Variants in BACH2 observed in about 807,000 individuals in gnomAD.
The protein encoded by BACH2 is transcription regulator protein BACH2.
Under a neutral mutation model 61.8 loss-of-function variants are expected in BACH2, and 5 were observed. That is an observed-to-expected ratio of 0.08 (90% confidence interval 0.04 to 0.17). The LOEUF is 0.17. Among genes scored for constraint, BACH2 ranks in the 10% least tolerant of loss-of-function variants. BACH2 has a pLI of 1.00. For missense variants in BACH2, 824 were observed against 1,091.1 expected (o/e 0.76, Z 3.45); for synonymous variants, 446 against 440.1 (o/e 1.01, Z -0.17).
At chr6:90,103,590 C>T (rs571886815) in intron 4 of BACH2, among the ~76,000 whole-genome samples, 4 of 152,164 alleles carry the variant, frequency 2.6e-5, no homozygotes, top group Admixed American at 2.6e-4. Context: ...GTTCCCTTTA[C>T]GCCCTAATAA....
chr6:90,240,890 A>T (rs1770427659), intron 3 of BACH2, among the ~76,000 whole-genome samples: 1 of 152,134 alleles, frequency 6.6e-6, no homozygotes, highest in African/African-American at 2.4e-5. Flanking sequence ...ACTAAATATA[A>T]TATTATTTCC....
At chr6:90,107,201 G>A (rs1313951225) in intron 4 of BACH2, among the ~76,000 whole-genome samples, 4 of 151,842 alleles carry the variant, frequency 2.6e-5, no homozygotes, top group African/African-American at 7.3e-5. Flanking sequence ...ATGAAACCCC[G>A]TCTCTACTAA....
chr6:90,074,010 T>A (rs1015089056), intron 5 of BACH2, among the ~76,000 whole-genome samples: 2 of 152,218 alleles, frequency 1.3e-5, no homozygotes, highest in Admixed American at 1.3e-4. Context: ...CATTTCCTGA[T>A]AGAATACTGT....
chr6:89,983,126 A>G (rs2128363492), intron 6 of BACH2, among the ~76,000 whole-genome samples: 1 of 152,324 alleles, frequency 6.6e-6, no homozygotes, highest in East Asian at 1.9e-4. Flanking sequence ...CTAAATGTTT[A>G]TAGGAAATCC....
intron 7 of BACH2, among the ~76,000 whole-genome samples, chr6:89,938,627 A>T (rs1384680901): frequency 6.6e-6 from 1 of 152,232 alleles, no homozygotes; most frequent in Non-Finnish European, 1.5e-5. Context: ...GTCATTTTTC[A>T]TTGATGTAGC....
chr6:90,266,479 C>T (rs892980311), intron 2 of BACH2, among the ~76,000 whole-genome samples: 6 of 152,086 alleles, frequency 3.9e-5, no homozygotes, highest in Non-Finnish European at 5.9e-5. Context: ...TTGTTCACAG[C>T]AGCCAAAAGG....
intron 3 of BACH2, among the ~76,000 whole-genome samples, chr6:90,229,429 C>A (rs2127859502): frequency 6.6e-6 from 1 of 151,466 alleles, no homozygotes; most frequent in Middle Eastern, 3.4e-3. Context: ...CACTGCACTC[C>A]AACCTGGGCT....
chr6:89,950,297 C>T lies in BACH2; in HGVS notation c.1809G>A (p.Ser603=), dbSNP rs1562317366. The change falls in exon 7 of 9, where the codon TCG becomes TCA. Residue 603 remains serine, a synonymous_variant. Coordinates refer to ENST00000257749, the MANE Select transcript of BACH2 (RefSeq NM_021813.4). The surrounding 1 kb of genome is among the most constrained non-coding windows in gnomAD (Gnocchi z 5.3). ...SGSFSEADSE[S]CPVQDRGQEV... ...CCTGGCCCCTGTCCTGCACAGGACA[C>T]GACTCACTGTCTGCTTCCGAGAACG... is the stretch of plus-strand genomic sequence containing the variant. The T allele has an allele frequency of 3.1e-6, 5 of 1,613,996 alleles. No homozygotes were observed. Among genetic ancestry groups the T allele is most frequent in the East Asian group, 2.2e-5 (1 of 44,892 alleles).
rs576298538 is a variant in BACH2 at position 90,083,472 on chromosome 6, A to AAT, written c.-13+5487_-13+5488dup. Among the ~76,000 whole-genome samples the AAT allele has an allele frequency of 3.5e-4, 53 of 152,344 alleles. 1 individual carries two copies. The highest frequency in any genetic ancestry group is 1.3e-3 in the African/African-American group (52 of 41,588). On this transcript the variant is annotated intron_variant, in intron 5 of 8. Coordinates refer to ENST00000257749, the MANE Select transcript of BACH2 (RefSeq NM_021813.4). ...GATCTCTTGAGCAGAACATAATCTGAATCTGAAATGGAATATTACAAATAA... is the reference window on the plus strand; with the variant it reads ...GATCTCTTGAGCAGAACATAATCTGAATATCTGAAATGGAATATTACAAATAA...
At chr6:90,263,994 C>G (rs377261619) in intron 2 of BACH2, among the ~76,000 whole-genome samples, 28 of 152,268 alleles carry the variant, frequency 1.8e-4, no homozygotes, top group African/African-American at 5.5e-4. Context: ...GACTTCAGAG[C>G]ACCAGGAGAA....
chr6:90,230,776 A>G (rs1770071092), intron 3 of BACH2, among the ~76,000 whole-genome samples: 1 of 152,018 alleles, frequency 6.6e-6, no homozygotes, highest in African/African-American at 2.4e-5. Context: ...GCCAGAGGAA[A>G]CTCAGCCCCC....
rs528336379 is a variant in BACH2, at chr6:90,119,253, T to C, written c.-161-30144A>G. 4.3e-4 allele frequency among the ~76,000 whole-genome samples: 66 copies of C among 152,358 alleles called. No individual in the cohort carries two copies. In the South Asian group the frequency reaches 0.013, roughly 30 times the overall value. On this transcript the variant is annotated intron_variant, in intron 4 of 8. Transcript: ENST00000257749. ...ATGCCCATGTGGCTACATTTTAAAA[T>C]GATTCAGTCATGATTCTTCCAGGGT...
Position 90,204,888 on chromosome 6 carries a change from T to C in BACH2, c.-162+1681A>G, listed in dbSNP as rs184234816. On this transcript the variant is annotated intron_variant, in intron 4 of 8. Coordinates refer to ENST00000257749, the MANE Select transcript of BACH2 (RefSeq NM_021813.4). ...GCCAAGTGTTTAAGCTGGGGTGGGGTTGAAGCGGGAAAACTCAGCACTGGT... is the reference window on the plus strand; with the variant it reads ...GCCAAGTGTTTAAGCTGGGGTGGGGCTGAAGCGGGAAAACTCAGCACTGGT... 2.6e-5 allele frequency among the ~76,000 whole-genome samples: 4 copies of C among 152,266 alleles called. No homozygotes were observed. The East Asian group carries it at 7.7e-4, about 29-fold the overall frequency.
intron 5 of BACH2, among the ~76,000 whole-genome samples, chr6:90,025,792 A>G (rs1424458859): frequency 6.6e-6 from 1 of 152,260 alleles, no homozygotes; most frequent in Non-Finnish European, 1.5e-5. Context: ...TAACAGATCC[A>G]TTTGACTCAG....
At chr6:90,260,427 T>C (rs968700611) in intron 2 of BACH2, among the ~76,000 whole-genome samples, 2 of 152,218 alleles carry the variant, frequency 1.3e-5, no homozygotes, top group African/African-American at 4.8e-5. Context: ...GAAATGATAC[T>C]AGACATAATT....
In BACH2 at chr6:89,950,510, C is replaced by T. The variant is rs776761960; in HGVS notation, c.1596G>A (p.Gly532=). The change falls in exon 7 of 9, where the codon GGG becomes GGA. Residue 532 remains glycine (G), a synonymous_variant. Transcript: ENST00000257749. This position sits in a 1 kb window ranked among gnomAD's most constrained non-coding sequence, Gnocchi z 5.3. The part of the protein sequence containing the change: ...SCSSYSYAED[G]SGGSPCSLPL... ...GGAGGCTGCAGGGTGAGCCCCCGCT[C>T]CCGTCCTCCGCGTAGGAATAGGAAG... is the stretch of plus-strand genomic sequence containing the variant. 4 of 1,613,798 alleles carry T rather than the reference C, an allele frequency of 2.5e-6. No individual in the cohort carries two copies. Among genetic ancestry groups the T allele is most frequent in the Admixed American group, 1.7e-5 (1 of 59,984 alleles).
At chr6:90,104,860 A>C (rs1782830513) in intron 4 of BACH2, among the ~76,000 whole-genome samples, 1 of 152,222 alleles carries the variant, frequency 6.6e-6, no homozygotes, top group African/African-American at 2.4e-5. Flanking sequence ...AGAAGGAAGC[A>C]GGTAGGTGTA....
chr6:90,202,268 T>C (rs1444262820), intron 4 of BACH2, among the ~76,000 whole-genome samples: 1 of 152,140 alleles, frequency 6.6e-6, no homozygotes. Context: ...CACAGCTTCA[T>C]ATGAAGGAGG....
At chr6:90,271,981 A>C (rs1194504956) in intron 1 of BACH2, 40 bp from the exon 2 acceptor site, 1 of 152,354 alleles carries the variant, frequency 6.6e-6, no homozygotes. Context: ...GGTCACTATA[A>C]CAAAACGTAG....
Sources: gnomAD v4.1 joint callset for allele counts (sites outside exome capture counted in the v4.1 genomes callset) on GRCh38, gnomAD v4.1.1 for gene constraint, Gnocchi (gnomAD v3.1) non-coding constraint, MANE v1.5 for transcripts, NCBI Gene and HGNC (gene_info 2026-07-23, HGNC 2026-07-21) for gene names.